The following DHPS variants were observed in gnomAD, a reference collection of about 807,000 sequenced individuals.
DHPS encodes deoxyhypusine synthase, also known as migration-inducing gene 13.
Under a neutral mutation model 38.7 loss-of-function variants are expected in DHPS, and 24 were observed. The ratio of observed to expected loss-of-function variants is 0.62; its 90% CI spans 0.45 to 0.87. DHPS has a LOEUF of 0.87. Ranked by LOEUF, DHPS falls within the 40% of genes least tolerant of loss-of-function variation. The pLI is 0.00. For missense variants in DHPS, 510 were observed against 497.6 expected, an observed-to-expected ratio of 1.02 and a Z score of -0.24; for synonymous variants, 250 against 204.4, an observed-to-expected ratio of 1.22 and a Z score of -1.90.
chr19:12,681,582 G>A lies in DHPS; in HGVS notation c.185C>T (p.Ala62Val). 1 of 1,614,274 alleles carries A rather than the reference G, an allele frequency of 6.2e-7. No individual in the cohort carries two copies. The highest frequency in any genetic ancestry group is 8.5e-7 in the Non-Finnish European group (1 of 1,180,054). Residue 62 changes from alanine (A) to valine (V), a missense_variant, in exon 1 of 9, where the codon GCT (alanine) becomes GTT (valine). Transcript: ENST00000210060. The stretch of plus-strand genomic sequence containing the variant: ...CACCATGGCATTGACTTGCTGTACA[G>A]CGCGCCCGAAGTTGGTTGCTTGGAA... ...TGFQATNFGR[A>V]VQQVNAMIEK...
chr19:12,672,815 A>G (rs1043327010), downstream of DHPS: 4 of 1,557,532 alleles, frequency 2.6e-6, no homozygotes, highest in African/African-American at 5.4e-5. Flanking sequence ...GAGTGTAGTC[A>G]AGGTTCCCGC....
intron 7 of DHPS, 167 bp from the exon 8 acceptor site, chr19:12,676,309 G>C (rs1235635728): frequency 1.2e-6 from 1 of 867,094 alleles, no homozygotes; most frequent in African/African-American, 1.7e-5. Flanking sequence ...GGGGTCACTA[G>C]AGCTGCTGGG....
At chr19:12,674,011 G>T (rs2024496728), downstream of DHPS, among the ~76,000 whole-genome samples, 2 of 152,134 alleles carry the variant, frequency 1.3e-5, no homozygotes, top group African/African-American at 4.8e-5. Context: ...GGGCTAGAGA[G>T]AAGATGAGGC....
At position 12,681,627 on chromosome 19, in the gene DHPS, T is replaced by A. The variant is rs373390928; in HGVS notation, c.140A>T (p.Glu47Val). 3.1e-6 allele frequency: 5 copies of A among 1,614,118 alleles called. No individual in the cohort carries two copies. In the African/African-American group the frequency reaches 5.3e-5, roughly 17 times the overall value. The change falls in exon 1 of 9, where the codon GAG becomes GTG. Residue 47 changes from glutamate to valine, a missense_variant. By Grantham distance (121) the Glu-to-Val change is moderately radical. Coordinates refer to ENST00000210060, the MANE Select transcript of DHPS (RefSeq NM_001930.4). ...TTGGAAGCCGGTGGTGCCGAAGGCC[T>A]CCAGCAGTGCGCGGTAATTCACACC... is the stretch of plus-strand genomic sequence containing the variant. ...NRGVNYRALL[E>V]AFGTTGFQAT...
At chr19:12,676,332 T>C (rs887075713) in intron 7 of DHPS, 190 bp from the exon 8 acceptor site, 4 of 730,812 alleles carry the variant, frequency 5.5e-6, no homozygotes, top group Non-Finnish European at 8.6e-6. Context: ...ACGATGGCTG[T>C]GTTTCCCCAG....
In DHPS at chr19:12,680,271, T is replaced by A. The variant is rs145365284; in HGVS notation, c.262A>T (p.Thr88Ser). ...CTGGTAAGTGGGCGGCGGCTCTGGGTCAGGTCCGCGTGCTGGTCTTCATCC... is the reference window on the plus strand; with the variant it reads ...CTGGTAAGTGGGCGGCGGCTCTGGGACAGGTCCGCGTGCTGGTCTTCATCC... Reference protein sequence around the residue: ...SQDEDQHADLTQSRRPLTSCT... With the variant: ...SQDEDQHADLSQSRRPLTSCT... Residue 88 changes from threonine (T) to serine (S), a missense_variant, in exon 2 of 9, where the codon ACC (threonine) becomes TCC (serine). Transcript: ENST00000210060. 101 of 1,614,068 alleles carry A rather than the reference T, an allele frequency of 6.3e-5. No individual in the cohort carries two copies. The highest frequency in any genetic ancestry group is 1.0e-4 in the Admixed American group (6 of 59,998).
rs775008157 is a variant in DHPS at position 12,681,809 on chromosome 19, G to C, written c.-43C>G. On this transcript the variant is annotated 5_prime_UTR_variant, in exon 1 of 9. Coordinates refer to ENST00000210060, the MANE Select transcript of DHPS (RefSeq NM_001930.4). The stretch of plus-strand genomic sequence containing the variant: ...TCGAGTCAAAGCTGCCCCTAGGCCG[G>C]GCTTACGGCGGCCCAGAAACGCGTT... 103 of 1,561,896 alleles carry C rather than the reference G, an allele frequency of 6.6e-5. No individual in the cohort carries two copies. Among genetic ancestry groups the C allele is most frequent in the Non-Finnish European group, 8.5e-5 (98 of 1,150,740 alleles).
intron 5 of DHPS, among the ~76,000 whole-genome samples, chr19:12,678,058 G>A (rs1488950800): frequency 6.6e-6 from 1 of 151,424 alleles, no homozygotes; most frequent in African/African-American, 2.4e-5. Flanking sequence ...CTCGACACCA[G>A]CCTGACCAAC....
In DHPS at chr19:12,681,730, C is replaced by T. The variant is rs751232733; in HGVS notation, c.37G>A (p.Ala13Thr). 2 of 1,612,458 alleles carry T rather than the reference C, an allele frequency of 1.2e-6. No individual in the cohort carries two copies. Among genetic ancestry groups the T allele is most frequent in the South Asian group, 1.1e-5 (1 of 91,060 alleles). Residue 13 changes from alanine (A) to threonine (T), a missense_variant, in exon 1 of 9, where the codon GCG becomes ACG. Physicochemically the swap from Ala to Thr is moderately conservative, Grantham distance 58 (BLOSUM62 0). Coordinates refer to ENST00000210060, the MANE Select transcript of DHPS (RefSeq NM_001930.4). ...GSLEREAPAG[A>T]LAAVLKHSST... The stretch of plus-strand genomic sequence containing the variant: ...CTGTGCTTTAGCACGGCGGCCAGCG[C>T]CCCCGCTGGCGCCTCCCGTTCCAGG...
At chr19:12,673,488 G>A (rs1036603217), downstream of DHPS, among the ~76,000 whole-genome samples, 4 of 147,212 alleles carry the variant, frequency 2.7e-5, no homozygotes, top group African/African-American at 1.0e-4. Context: ...CGCAATCTTG[G>A]CTCACTGTAA....
downstream of DHPS, among the ~76,000 whole-genome samples, chr19:12,674,611 AG>A (rs2024515583): frequency 5.9e-5 from 9 of 152,220 alleles, no homozygotes; most frequent in South Asian, 1.9e-3. Flanking sequence ...GGCTTGCTTG[AG>A]GAACTGTTTA....
chr19:12,681,292 G>A (rs1463894942), intron 1 of DHPS: 15 of 1,276,316 alleles, frequency 1.2e-5, no homozygotes, highest in South Asian at 1.6e-5. Context: ...ATTCCAGAAA[G>A]CTTTAAATGT....
chr19:12,674,580 C>T (rs1349328864), downstream of DHPS, among the ~76,000 whole-genome samples: 1 of 152,158 alleles, frequency 6.6e-6, no homozygotes, highest in East Asian at 1.9e-4. Flanking sequence ...GGGACATTTT[C>T]AAGGTGGAAA....
Position 12,681,803 on chromosome 19 carries a change from A to C in DHPS, c.-37T>G, listed in dbSNP as rs544601122. The C allele has an allele frequency of 6.3e-7, 1 of 1,582,992 alleles. No individual in the cohort carries two copies. Among genetic ancestry groups the C allele is most frequent in the African/African-American group, 1.3e-5 (1 of 74,506 alleles). On this transcript the variant is annotated 5_prime_UTR_variant, in exon 1 of 9. Coordinates refer to ENST00000210060, the MANE Select transcript of DHPS (RefSeq NM_001930.4). The stretch of plus-strand genomic sequence containing the variant: ...CGGCTCTCGAGTCAAAGCTGCCCCT[A>C]GGCCGGGCTTACGGCGGCCCAGAAA...
At position 12,679,868 on chromosome 19, in the gene DHPS, G is replaced by A; in HGVS notation, c.427C>T (p.Leu143=). 1.2e-6 allele frequency: 2 copies of A among 1,614,186 alleles called. No homozygotes were observed. The highest frequency in any genetic ancestry group is 1.7e-6 in the Non-Finnish European group (2 of 1,180,038). ...GGVEEDLIKC[L]APTYLGEFSL... is the part of the protein sequence containing the mutation. ...AACTCGCCCAAGTATGTGGGCGCCA[G>A]GCACTTGATGAGGTCTTCCTCCACG... Residue 143 remains leucine (L), a synonymous_variant, in exon 3 of 9, where the codon CTG becomes TTG. Transcript: ENST00000210060.
chr19:12,673,684 A>G (rs911909897), downstream of DHPS, among the ~76,000 whole-genome samples: 1 of 150,966 alleles, frequency 6.6e-6, no homozygotes. Flanking sequence ...CCCAAGTGCT[A>G]GGATTACAGG....
rs2024563852 is a variant in DHPS, at chr19:12,675,864, A to G, written c.1084T>C (p.Phe362Leu). 1 of 1,608,472 alleles carries G rather than the reference A, an allele frequency of 6.2e-7. No homozygotes were observed. Among genetic ancestry groups the G allele is most frequent in the Non-Finnish European group, 8.5e-7 (1 of 1,177,062 alleles). ...AETFAQKMDA[F>L]MHEKNED ...CAGTCCTCGTTCTTCTCATGCATGA[A>G]GGCATCCATCTTCTGGGCAAAGGTT... is the stretch of plus-strand genomic sequence containing the variant. Residue 362 changes from phenylalanine to leucine, a missense_variant, in exon 9 of 9, where the codon TTC (phenylalanine) becomes CTC (leucine). Coordinates refer to ENST00000210060, the MANE Select transcript of DHPS (RefSeq NM_001930.4).
At chr19:12,679,328 T>G in intron 5 of DHPS, 129 bp downstream of exon 5, 3 of 897,450 alleles carry the variant, frequency 3.3e-6, no homozygotes. Flanking sequence ...CGCCTATCTG[T>G]GTTTGAGTCT....
chr19:12,674,732 A>G (rs75481365), downstream of DHPS, among the ~76,000 whole-genome samples: 5,339 of 152,236 alleles, frequency 0.035, 320 homozygotes, highest in African/African-American at 0.12. Flanking sequence ...CATGCTCCAA[A>G]CATGGTAGTG....
Sources: gnomAD v4.1 joint callset for allele counts (sites outside exome capture counted in the v4.1 genomes callset) on GRCh38, gnomAD v4.1.1 for gene constraint, MANE v1.5 for transcripts, NCBI Gene and HGNC (gene_info 2026-07-23, HGNC 2026-07-21) for gene names.